The following SEPSECS variants were observed in gnomAD, a reference collection of about 807,000 sequenced individuals.
SEPSECS encodes the protein O-phosphoseryl-tRNA(Sec) selenium transferase.
SEPSECS carries 42 observed loss-of-function variants against 52.1 expected under a neutral mutation model. That is an observed-to-expected ratio of 0.81 (90% CI 0.63 to 1.04). The LOEUF (loss-of-function observed/expected upper bound fraction) is 1.04. Among genes scored for constraint, SEPSECS ranks in the 50% least tolerant of loss-of-function variants. The pLI, the probability that SEPSECS is intolerant of heterozygous loss-of-function variation, is 0.00. For synonymous variants in SEPSECS, 216 were observed against 211.4 expected (o/e 1.02, Z -0.19); for missense variants, 590 against 610.6 (o/e 0.97, Z 0.36).
At chr4:25,160,219 G>A in intron 1 of SEPSECS, 37 bp downstream of exon 1, 2 of 1,548,120 alleles carry the variant, frequency 1.3e-6, no homozygotes, top group Non-Finnish European at 1.7e-6. Context: ...GAGCCCCGGG[G>A]TCGCGGCGGC....
intron 1 of SEPSECS, 65 bp from the exon 2 acceptor site, chr4:25,159,172 G>T: frequency 7.5e-7 from 1 of 1,334,658 alleles, no homozygotes; most frequent in African/African-American, 1.5e-5. Context: ...AATACTACAG[G>T]AATACAGTTT....
intron 6 of SEPSECS, among the ~76,000 whole-genome samples, chr4:25,148,211 G>A (rs1712092218): frequency 6.6e-6 from 1 of 152,128 alleles, no homozygotes; most frequent in South Asian, 2.1e-4. Context: ...AAATTAGCCA[G>A]GCATGGTGGT....
intron 8 of SEPSECS, among the ~76,000 whole-genome samples, chr4:25,127,782 TC>T (rs1393249801): frequency 6.6e-6 from 1 of 152,132 alleles, no homozygotes; most frequent in East Asian, 1.9e-4. Context: ...TTCATGCTTC[TC>T]CCCTGATGAC....
At chr4:25,146,931 C>T (rs1478531337) in intron 6 of SEPSECS, among the ~76,000 whole-genome samples, 1 of 152,184 alleles carries the variant, frequency 6.6e-6, no homozygotes, top group Non-Finnish European at 1.5e-5. Context: ...CATAGCATGT[C>T]ACTCTTTCCT....
At position 25,123,716 on chromosome 4, in the gene SEPSECS, A is replaced by G; in HGVS notation, c.*215T>C. The stretch of plus-strand genomic sequence containing the variant: ...TAACAATTAGAAAAATGCTAATTGT[A>G]TATTATAACCTGTTAAGGATCACAA... On this transcript the variant is annotated 3_prime_UTR_variant, in exon 11 of 11. Transcript: ENST00000382103. 1.8e-6 allele frequency: 1 copy of G among 555,624 alleles called. No individual in the cohort carries two copies. Among genetic ancestry groups the G allele is most frequent in the Non-Finnish European group, 3.2e-6 (1 of 310,506 alleles). The allele number at this position is 555,624 out of a possible 1,614,324, so 34.4% of individuals were successfully genotyped here. A position where few individuals can be genotyped will look rare whatever the true frequency, so the allele number is the denominator to read the frequency against.
chr4:25,142,833 T>A (rs1442920624), intron 8 of SEPSECS, among the ~76,000 whole-genome samples: 2 of 152,244 alleles, frequency 1.3e-5, no homozygotes, highest in Non-Finnish European at 2.9e-5. Context: ...CCATGATTAT[T>A]ATGTCCAAAG....
chr4:25,155,899 C>T (rs1560335884), intron 4 of SEPSECS, 138 bp downstream of exon 4: 9 of 733,592 alleles, frequency 1.2e-5, no homozygotes, highest in Non-Finnish European at 2.0e-5. Context: ...AATTTTGTTA[C>T]ATATATTTTA....
rs1160544672 is a variant in SEPSECS, at chr4:25,159,058, A to G, written c.164T>C (p.Leu55Ser). 1 of 1,613,712 alleles carries G rather than the reference A, an allele frequency of 6.2e-7. No homozygotes were observed. Among genetic ancestry groups the G allele is most frequent in the Non-Finnish European group, 8.5e-7 (1 of 1,179,702 alleles). ...GWDESTLELF[L>S]HELAIMDSNN... ...GCTGTCCATGATTGCAAGTTCATGT[A>G]AAAAGAGTTCAAGTGTACTTTCATC... Residue 55 changes from leucine to serine, a missense_variant, in exon 2 of 11, where the codon TTA becomes TCA. Transcript: ENST00000382103.
chr4:25,155,564 T>G (rs181639674), intron 4 of SEPSECS, among the ~76,000 whole-genome samples: 2 of 152,362 alleles, frequency 1.3e-5, no homozygotes, highest in East Asian at 3.9e-4. Context: ...AAGTTCATTT[T>G]ATTTCAGAGA....
rs185358404 is a variant in SEPSECS, at chr4:25,160,175, G to A, written c.114+81C>T. The A allele has an allele frequency of 3.3e-5, 51 of 1,535,364 alleles. No individual in the cohort carries two copies. The Admixed American group carries it at 1.0e-3, about 30-fold the overall frequency. On this transcript the variant is annotated intron_variant, in intron 1 of 10. Coordinates refer to ENST00000382103, the MANE Select transcript of SEPSECS (RefSeq NM_016955.4). ...TCTCAAGCAGCGAAGAGCTGCCGGT[G>A]AGGCAGCACCAGCGGGGACGCCCGG...
At chr4:25,140,099 C>G (rs1729000762) in intron 8 of SEPSECS, among the ~76,000 whole-genome samples, 1 of 152,186 alleles carries the variant, frequency 6.6e-6, no homozygotes, top group African/African-American at 2.4e-5. Flanking sequence ...AGCAAGAGGT[C>G]CTGTCTCTAA....
At chr4:25,125,556 C>T (rs779574468) in intron 10 of SEPSECS, 138 bp downstream of exon 10, 3 of 699,244 alleles carry the variant, frequency 4.3e-6, no homozygotes, top group South Asian at 1.5e-5. Flanking sequence ...GATTCTCTAA[C>T]TCATCATTCT....
In SEPSECS at chr4:25,122,521, T is replaced by C. The variant is rs1728168071; in HGVS notation, c.*1410A>G. 6.6e-6 allele frequency: 1 copy of C among 152,216 alleles called. No individual in the cohort carries two copies. The highest frequency in any genetic ancestry group is 2.1e-4 in the South Asian group (1 of 4,834). 9.4% of individuals were successfully genotyped at this position (152,216 alleles called of 1,614,324 possible). On this transcript the variant is annotated 3_prime_UTR_variant, in exon 11 of 11. Coordinates refer to ENST00000382103, the MANE Select transcript of SEPSECS (RefSeq NM_016955.4). ...ATGAGTTTCTCTTTGGATAAGGATA[T>C]ATTAAAACTGGGTTATTTAGTGAAG... is the stretch of plus-strand genomic sequence containing the variant.
At chr4:25,147,837 G>T (rs542081963) in intron 6 of SEPSECS, among the ~76,000 whole-genome samples, 4 of 152,062 alleles carry the variant, frequency 2.6e-5, no homozygotes, top group South Asian at 4.2e-4. Flanking sequence ...ATTGATTATT[G>T]CAATATTATT....
intron 1 of SEPSECS, chr4:25,159,603 C>G: frequency 2.5e-6 from 1 of 395,554 alleles, no homozygotes; most frequent in Non-Finnish European, 5.1e-6. Context: ...GAAACCCCAT[C>G]TCTACTAAAA....
intron 8 of SEPSECS, among the ~76,000 whole-genome samples, chr4:25,134,212 T>A (rs1330659980): frequency 7.1e-6 from 1 of 141,202 alleles, no homozygotes; most frequent in African/African-American, 2.7e-5. Flanking sequence ...GACACAGAGG[T>A]ACATGCCTAT....
Position 25,124,021 on chromosome 4 carries a change from A to G in SEPSECS, c.1416T>C (p.Asn472=), listed in dbSNP as rs928254974. ...TATCCACATCTTCAGTTTTGTCATA[A>G]TTGTCATCACTCTCTTTACTTCGTT... The part of the protein sequence containing the change: ...RKERSKESDD[N]YDKTEDVDIE... Residue 472 remains asparagine (N), a synonymous_variant, in exon 11 of 11, where the codon AAT becomes AAC. Coordinates refer to ENST00000382103, the MANE Select transcript of SEPSECS (RefSeq NM_016955.4). 6.2e-7 allele frequency: 1 copy of G among 1,613,558 alleles called. No homozygotes were observed. Among genetic ancestry groups the G allele is most frequent in the African/African-American group, 1.3e-5 (1 of 74,900 alleles).
chr4:25,139,842 A>G (rs888965303), intron 8 of SEPSECS, among the ~76,000 whole-genome samples: 9 of 152,276 alleles, frequency 5.9e-5, no homozygotes, highest in African/African-American at 2.2e-4. Context: ...GGACTTAATG[A>G]TATAAGGGCT....
chr4:25,138,041 A>G (rs1458396734), intron 8 of SEPSECS, among the ~76,000 whole-genome samples: 1 of 152,168 alleles, frequency 6.6e-6, no homozygotes, highest in Admixed American at 6.5e-5. Flanking sequence ...GGAGGGGAAC[A>G]CCACACAATG....
Sources: gnomAD v4.1 joint callset for allele counts (sites outside exome capture counted in the v4.1 genomes callset) on GRCh38, gnomAD v4.1.1 for gene constraint, MANE v1.5 for transcripts, NCBI Gene and HGNC (gene_info 2026-07-23, HGNC 2026-07-21) for gene names.